Variants in GTF2F2 observed in about 807,000 individuals in gnomAD.
The protein encoded by GTF2F2 is ATP-dependent helicase GTF2F2.
GTF2F2 carries 23 observed loss-of-function variants against 42.2 expected under a neutral mutation model. The ratio of observed to expected loss-of-function variants is 0.55; its 90% CI spans 0.39 to 0.77. The LOEUF (loss-of-function observed/expected upper bound fraction) is 0.77, where lower values mean the gene tolerates loss of function less well. Ranked by LOEUF, GTF2F2 falls within the 30% of genes least tolerant of loss-of-function variation. The probability of loss-of-function intolerance (pLI) is 0.00; values close to 1 mark genes in which losing one functional copy is unlikely to be tolerated. For missense variants in GTF2F2, 261 were observed against 287.2 expected, an observed-to-expected ratio of 0.91 and a Z score of 0.66; for synonymous variants, 105 against 100.8, an observed-to-expected ratio of 1.04 and a Z score of -0.25.
At chr13:45,187,747 A>G (rs1210350040) in intron 4 of GTF2F2, among the ~76,000 whole-genome samples, 1 of 152,238 alleles carries the variant, frequency 6.6e-6, no homozygotes, top group African/African-American at 2.4e-5. Flanking sequence ...GCTGTTTTGG[A>G]TAGTCCTCCA....
chr13:45,147,666 A>G (rs151177438), intron 2 of GTF2F2, among the ~76,000 whole-genome samples: 2,087 of 152,346 alleles, frequency 0.014, 32 homozygotes, highest in Non-Finnish European at 0.021. Context: ...TTGCATTTTA[A>G]TATGTAAAAG....
chr13:45,152,931 A>T (rs1477873804), intron 4 of GTF2F2, among the ~76,000 whole-genome samples: 1 of 152,154 alleles, frequency 6.6e-6, no homozygotes, highest in Non-Finnish European at 1.5e-5. Context: ...GTTGTATTTC[A>T]TCAAGCATTT....
At chr13:45,139,230 G>A (rs1869789713) in intron 2 of GTF2F2, among the ~76,000 whole-genome samples, 1 of 152,182 alleles carries the variant, frequency 6.6e-6, no homozygotes. Context: ...ATCCTGGGTT[G>A]GGTGATGTGA....
rs1877357123 is a variant in GTF2F2, at chr13:45,283,673, TTTGATTTCTCTCGGTAAATTTTTTAAACC to T, written c.*114_*142del. The T allele has an allele frequency of 1.2e-6, 1 of 823,476 alleles. No homozygotes were observed. The highest frequency in any genetic ancestry group is 1.7e-6 in the Non-Finnish European group (1 of 583,994). The allele number at this position is 823,476 out of a possible 1,614,324, so 51.0% of individuals were successfully genotyped here. On this transcript the variant is annotated 3_prime_UTR_variant, in exon 8 of 8. Transcript: ENST00000340473. Reference sequence around the variant, plus strand: ...GTTAATAGGGGTTAAGTGACAGTACTTTGATTTCTCTCGGTAAATTTTTTAAACCTGTAATTCTTGTAAAGTTTCTTAAC... The same window carrying T: ...GTTAATAGGGGTTAAGTGACAGTACTTGTAATTCTTGTAAAGTTTCTTAAC...
chr13:45,176,805 G>T (rs545920106), intron 4 of GTF2F2, among the ~76,000 whole-genome samples: 31 of 148,044 alleles, frequency 2.1e-4, no homozygotes, highest in African/African-American at 5.5e-4. Context: ...CTTTTTTTTT[G>T]GGGGGGACGG....
chr13:45,275,816 C>T (rs1277954610), intron 7 of GTF2F2, among the ~76,000 whole-genome samples: 1 of 151,986 alleles, frequency 6.6e-6, no homozygotes, highest in Admixed American at 6.6e-5. Context: ...GGGTATATAC[C>T]CAGTAATGGG....
At chr13:45,146,775 G>A (rs1427357927) in intron 2 of GTF2F2, among the ~76,000 whole-genome samples, 1 of 152,184 alleles carries the variant, frequency 6.6e-6, no homozygotes, top group African/African-American at 2.4e-5. Context: ...AGCATTCTGA[G>A]AAATTTAGTG....
At chr13:45,242,056 G>T (rs916933618) in intron 5 of GTF2F2, among the ~76,000 whole-genome samples, 1 of 151,876 alleles carries the variant, frequency 6.6e-6, no homozygotes, top group East Asian at 1.9e-4. Context: ...ATAGATTGAC[G>T]TATACTTACT....
intron 4 of GTF2F2, among the ~76,000 whole-genome samples, chr13:45,188,324 T>C (rs553787587): frequency 1.3e-5 from 2 of 152,332 alleles, no homozygotes; most frequent in African/African-American, 4.8e-5. Flanking sequence ...TTTAAATGAA[T>C]AGAATGAAAA....
In GTF2F2 at chr13:45,167,644, C is replaced by T. The variant is rs554347079; in HGVS notation, c.304+15813C>T. Among the ~76,000 whole-genome samples, 124 of 152,144 alleles carry T rather than the reference C, an allele frequency of 8.2e-4. 1 individual carries two copies. The highest frequency in any genetic ancestry group is 2.6e-3 in the African/African-American group (106 of 41,498). ...TGATCTCTTGACGTCGTGATCTGCC[C>T]GCCTGGGCCTCCCAAAAGTGCTGGG... is the stretch of plus-strand genomic sequence containing the variant. On this transcript the variant is annotated intron_variant, in intron 4 of 7. Transcript: ENST00000340473.
chr13:45,215,930 A>G (rs889775595), intron 5 of GTF2F2, among the ~76,000 whole-genome samples: 1 of 152,108 alleles, frequency 6.6e-6, no homozygotes, highest in Non-Finnish European at 1.5e-5. Context: ...AGGACTTCCA[A>G]ATGGTTGTAA....
At chr13:45,283,068 C>T (rs1176950735) in intron 7 of GTF2F2, among the ~76,000 whole-genome samples, 1 of 152,124 alleles carries the variant, frequency 6.6e-6, no homozygotes, top group Non-Finnish European at 1.5e-5. Flanking sequence ...AACTGAGTCC[C>T]ATGAGGCCAC....
chr13:45,225,519 G>A (rs1007861754), intron 5 of GTF2F2, among the ~76,000 whole-genome samples: 5 of 151,438 alleles, frequency 3.3e-5, no homozygotes, highest in African/African-American at 9.7e-5. Context: ...CTCAGAGGCT[G>A]AGGCAGGAGA....
At chr13:45,165,959 G>T (rs576638762) in intron 4 of GTF2F2, among the ~76,000 whole-genome samples, 1 of 151,508 alleles carries the variant, frequency 6.6e-6, no homozygotes, top group East Asian at 1.9e-4. Context: ...GATTACAGGC[G>T]CCCGCCCCTA....
intron 5 of GTF2F2, among the ~76,000 whole-genome samples, chr13:45,230,359 AG>A (rs1874613209): frequency 6.6e-6 from 1 of 152,194 alleles, no homozygotes; most frequent in Non-Finnish European, 1.5e-5. Context: ...AGTACTGGAA[AG>A]GGTGGTTGGA....
In GTF2F2 at chr13:45,191,215, C is replaced by CAAAAA. The variant is rs1158010068; in HGVS notation, c.305-16203_305-16199dup. 3.8e-3 allele frequency among the ~76,000 whole-genome samples: 286 copies of CAAAAA among 74,830 alleles called. 8 individuals are homozygous for CAAAAA. Among genetic ancestry groups the CAAAAA allele is most frequent in the Non-Finnish European group, 4.7e-3 (202 of 42,602 alleles). The allele number at this position is 74,830 out of a possible 152,430, so 49.1% of individuals were successfully genotyped here. A position where few individuals can be genotyped will look rare whatever the true frequency, so the allele number is the denominator to read the frequency against. ...TGAAACCCCGTCTCTACTAAAAATA[C>CAAAAA]AAAAAAAAAATATATATATATATAT... On this transcript the variant is annotated intron_variant, in intron 4 of 7. Coordinates refer to ENST00000340473, the MANE Select transcript of GTF2F2 (RefSeq NM_004128.3).
intron 5 of GTF2F2, among the ~76,000 whole-genome samples, chr13:45,248,411 T>C (rs1875736710): frequency 6.6e-6 from 1 of 152,118 alleles, no homozygotes; most frequent in Admixed American, 6.5e-5. Flanking sequence ...TTTTTTGTGT[T>C]TTTTTGTTTT....
chr13:45,239,561 C>G (rs1875175635), intron 5 of GTF2F2, among the ~76,000 whole-genome samples: 1 of 152,178 alleles, frequency 6.6e-6, no homozygotes, highest in South Asian at 2.1e-4. Context: ...TCAACACATA[C>G]CAAAAACTTG....
chr13:45,258,750 TTA>T (rs1254045485), intron 6 of GTF2F2, among the ~76,000 whole-genome samples: 2 of 152,224 alleles, frequency 1.3e-5, no homozygotes, highest in African/African-American at 4.8e-5. Context: ...TTAAAATTTT[TTA>T]TCTTGTGTAT....
Sources: allele counts gnomAD v4.1 joint callset (sites outside exome capture counted in the v4.1 genomes callset), GRCh38; gene constraint gnomAD v4.1.1; transcripts MANE v1.5; gene names NCBI Gene and HGNC (gene_info 2026-07-23, HGNC 2026-07-21).